AKR1A1: variants seen among roughly 807,000 people sequenced by gnomAD.
AKR1A1 encodes the protein HEL-S-165mP.
Under a neutral mutation model 39.2 loss-of-function variants are expected in AKR1A1, and 26 were observed. That is an observed-to-expected ratio of 0.66 (90% confidence interval 0.49 to 0.92). AKR1A1 has a LOEUF of 0.92. AKR1A1 is among the 40% of genes least tolerant of loss of function. AKR1A1 has a pLI of 0.00. For synonymous variants in AKR1A1, 141 were observed against 155.5 expected (o/e 0.91, Z 0.69); for missense variants, 378 against 406.5 (o/e 0.93, Z 0.60).
rs770771451 is a variant in AKR1A1, at chr1:45,569,981, C to G, written c.*25C>G. 1 of 1,609,350 alleles carries G rather than the reference C, an allele frequency of 6.2e-7. No homozygotes were observed. The highest frequency in any genetic ancestry group is 1.1e-5 in the South Asian group (1 of 90,988). ...AGACCACAGCTTCTTGGCCTCCCTT[C>G]CAGCTCTGCAGCTAATGAGGTCCTG... On this transcript the variant is annotated 3_prime_UTR_variant, in exon 9 of 9. Transcript: ENST00000351829.
chr1:45,557,912 C>CTTTTTTTTTTTTTTTT lies in AKR1A1; in HGVS notation c.-6-3862_-6-3861insTTTTTTTTTTTTTTTT, dbSNP rs67386168. On this transcript the variant is annotated intron_variant, in intron 1 of 8. Transcript: ENST00000351829. ...TGTACTGGCTTTACTCACAACTTGTCTTTTTTTTTTTTTTTGAGATGGAGC... is the reference window on the plus strand; with the variant it reads ...TGTACTGGCTTTACTCACAACTTGTCTTTTTTTTTTTTTTTTTTTTTTTTTTTTTTTGAGATGGAGC... 5.5e-4 allele frequency among the ~76,000 whole-genome samples: 62 copies of CTTTTTTTTTTTTTTTT among 112,228 alleles called. 8 individuals carry two copies. The highest frequency in any genetic ancestry group is 7.8e-4 in the African/African-American group (22 of 28,272). 73.6% of individuals were successfully genotyped at this position (112,228 alleles called of 152,430 possible). A position where few individuals can be genotyped will look rare whatever the true frequency, so the allele number is the denominator to read the frequency against.
At chr1:45,563,092 C>T (rs564613674) in intron 2 of AKR1A1, among the ~76,000 whole-genome samples, 8 of 142,912 alleles carry the variant, frequency 5.6e-5, no homozygotes, top group Non-Finnish European at 9.1e-5. Context: ...CTGGACAGAG[C>T]GAGACCATCT....
chr1:45,569,133 C>G lies in AKR1A1; in HGVS notation c.826-10C>G. 1 of 1,613,666 alleles carries G rather than the reference C, an allele frequency of 6.2e-7. No homozygotes were observed. The highest frequency in any genetic ancestry group is 8.5e-7 in the Non-Finnish European group (1 of 1,179,550). On this transcript the variant is annotated splice_polypyrimidine_tract_variant and intron_variant, in intron 7 of 8. Transcript: ENST00000351829. ...AGCTGGCTTTCTTGAACCCCACTCTCCATCCTCAGGTGTTTGACTTCACCT... is the reference window on the plus strand; with the variant it reads ...AGCTGGCTTTCTTGAACCCCACTCTGCATCCTCAGGTGTTTGACTTCACCT...
intron 1 of AKR1A1, 26 bp from the exon 2 acceptor site, chr1:45,561,763 C>T (rs936268940): frequency 1.2e-6 from 2 of 1,610,430 alleles, no homozygotes; most frequent in Middle Eastern, 1.7e-4. Context: ...AACCCCAACA[C>T]CATTCTCTTC....
chr1:45,564,735 T>A (rs1644317538), intron 2 of AKR1A1, among the ~76,000 whole-genome samples: 1 of 151,806 alleles, frequency 6.6e-6, no homozygotes, highest in Non-Finnish European at 1.5e-5. Context: ...GGTCTATACT[T>A]CTTTTCTCTA....
chr1:45,553,719 T>G (rs1309823772), intron 1 of AKR1A1, among the ~76,000 whole-genome samples: 2 of 151,742 alleles, frequency 1.3e-5, no homozygotes, highest in African/African-American at 4.8e-5. Context: ...AGAGGCCGGG[T>G]GTGGTGGCTC....
At chr1:45,554,449 G>T (rs1290839330) in intron 1 of AKR1A1, among the ~76,000 whole-genome samples, 2 of 151,886 alleles carry the variant, frequency 1.3e-5, no homozygotes, top group African/African-American at 4.8e-5. Flanking sequence ...AAATAAATAA[G>T]CTGGGTGTGG....
At chr1:45,558,677 T>C (rs1380495592) in intron 1 of AKR1A1, among the ~76,000 whole-genome samples, 2 of 151,936 alleles carry the variant, frequency 1.3e-5, no homozygotes, top group African/African-American at 4.8e-5. Context: ...GGATTACAGG[T>C]GTAAGCCACC....
At chr1:45,553,212 A>C (rs1467895098) in intron 1 of AKR1A1, among the ~76,000 whole-genome samples, 2 of 151,854 alleles carry the variant, frequency 1.3e-5, no homozygotes, top group Admixed American at 6.6e-5. Context: ...TCACGAGGTC[A>C]AGAGATGGAG....
At chr1:45,565,117 C>G (rs1384930262) in intron 2 of AKR1A1, among the ~76,000 whole-genome samples, 1 of 144,880 alleles carries the variant, frequency 6.9e-6, no homozygotes, top group East Asian at 2.1e-4. Flanking sequence ...CCACCACACC[C>G]AGCCATTTTT....
intron 1 of AKR1A1, among the ~76,000 whole-genome samples, chr1:45,557,555 T>C (rs1373698395): frequency 6.6e-6 from 1 of 152,192 alleles, no homozygotes; most frequent in East Asian, 1.9e-4. Context: ...CAGGGTGTTG[T>C]TCAAGCTCTC....
At chr1:45,566,126 G>A (rs1426594049) in intron 2 of AKR1A1, among the ~76,000 whole-genome samples, 1 of 151,074 alleles carries the variant, frequency 6.6e-6, no homozygotes, top group Non-Finnish European at 1.5e-5. Context: ...TCTTTGTTTT[G>A]AGATGGAGTT....
At chr1:45,566,238 A>G (rs1388853839) in intron 2 of AKR1A1, among the ~76,000 whole-genome samples, 2 of 151,894 alleles carry the variant, frequency 1.3e-5, no homozygotes, top group Non-Finnish European at 2.9e-5. Flanking sequence ...CCTCCTGAGT[A>G]GCTGGGATTA....
At chr1:45,562,883 G>A (rs1644296160) in intron 2 of AKR1A1, among the ~76,000 whole-genome samples, 1 of 152,024 alleles carries the variant, frequency 6.6e-6, no homozygotes, top group African/African-American at 2.4e-5. Context: ...ACTTTGGGAC[G>A]CCAAGGCAGG....
In AKR1A1 at chr1:45,566,042, C is replaced by A. The variant is rs769857164; in HGVS notation, c.85-527C>A. ...GAGACTGGTTGGGGTGGGAGCAGAG[C>A]AAAGGGTTTGGAGCCTCTGAAGAGG... On this transcript the variant is annotated intron_variant, in intron 2 of 8. Transcript: ENST00000351829. Among the ~76,000 whole-genome samples the A allele has an allele frequency of 4.6e-5, 7 of 152,174 alleles. 1 individual carries two copies. The highest frequency in any genetic ancestry group is 6.8e-3 in the Middle Eastern group (2 of 294).
At position 45,561,890 on chromosome 1, in the gene AKR1A1, G is replaced by A. The variant is rs1014790166; in HGVS notation, c.84+12G>A. On this transcript the variant is annotated intron_variant, in intron 2 of 8. Coordinates refer to ENST00000351829, the MANE Select transcript of AKR1A1 (RefSeq NM_153326.3). ...GTGAGCCTGGTCAGGTGAGGGATGG[G>A]GGAAGAAAAAAGAAACTTGTTGAGC... The A allele has an allele frequency of 6.2e-7, 1 of 1,613,512 alleles. No individual in the cohort carries two copies. The highest frequency in any genetic ancestry group is 1.3e-5 in the African/African-American group (1 of 74,882).
At chr1:45,561,939 C>T in intron 2 of AKR1A1, 61 bp downstream of exon 2, 3 of 1,521,260 alleles carry the variant, frequency 2.0e-6, no homozygotes, top group Non-Finnish European at 2.7e-6. Context: ...TTCCTAGCAG[C>T]CCCACCCCCA....
At chr1:45,569,841 T>C (rs767714287) in intron 8 of AKR1A1, 50 bp from the exon 9 acceptor site, 57 of 1,549,000 alleles carry the variant, frequency 3.7e-5, no homozygotes, top group Non-Finnish European at 4.9e-5. Flanking sequence ...CTGGAGTCTT[T>C]GGAATGGCAA....
At chr1:45,562,949 C>T (rs1006907932) in intron 2 of AKR1A1, among the ~76,000 whole-genome samples, 2 of 151,942 alleles carry the variant, frequency 1.3e-5, no homozygotes, top group African/African-American at 4.8e-5. Flanking sequence ...GTGAGACCCC[C>T]GTCTCTACAA....
Sources: allele counts gnomAD v4.1 joint callset (sites outside exome capture counted in the v4.1 genomes callset), GRCh38; gene constraint gnomAD v4.1.1; transcripts MANE v1.5; gene names NCBI Gene and HGNC (gene_info 2026-07-23, HGNC 2026-07-21).